Variants in DNAH14 observed in about 807,000 individuals in gnomAD.
DNAH14 encodes axonemal beta dynein heavy chain 14.
Under a neutral mutation model 520.9 loss-of-function variants are expected in DNAH14, and 478 were observed. The observed-to-expected ratio is 0.92, with a 90% CI of 0.85 to 0.99. DNAH14 has a LOEUF of 0.99. Ranked by LOEUF, DNAH14 falls within the 50% of genes least tolerant of loss-of-function variation. The pLI is 0.00. For synonymous variants in DNAH14, 1,581 were observed against 1,757.2 expected (o/e 0.90, Z 2.51); for missense variants, 4,831 against 5,234.5 (o/e 0.92, Z 2.38).
In DNAH14 at chr1:225,119,286, G is replaced by A. The variant is rs764874524; in HGVS notation, c.4158G>A (p.Val1386=). 16 of 1,514,414 alleles carry A rather than the reference G, an allele frequency of 1.1e-5. No individual in the cohort carries two copies. In the African/African-American group the frequency reaches 2.2e-4, roughly 21 times the overall value. 93.8% of individuals were successfully genotyped at this position (1,514,414 alleles called of 1,614,324 possible). A position where few individuals can be genotyped will look rare whatever the true frequency, so the allele number is the denominator to read the frequency against. Residue 1386 remains valine, a synonymous_variant, in exon 26 of 86, where the codon GTG becomes GTA. Transcript: ENST00000682510. Reference sequence around the variant, plus strand: ...ATGTAGAAAAAAGCATGTTCGATGTGCTAAAAAAGTAAGTACAATTTTCAA... The same window carrying A: ...ATGTAGAAAAAAGCATGTTCGATGTACTAAAAAAGTAAGTACAATTTTCAA... ...LVNVEKSMFD[V]LKKFLSQGIE... is the part of the protein sequence containing the mutation.
At chr1:225,228,215 T>C (rs890948037) in intron 41 of DNAH14, among the ~76,000 whole-genome samples, 2 of 152,220 alleles carry the variant, frequency 1.3e-5, no homozygotes, top group Non-Finnish European at 2.9e-5. Context: ...TCAGTACAAA[T>C]AGCTACCTTT....
At chr1:224,980,411 G>A (rs999202172) in intron 8 of DNAH14, among the ~76,000 whole-genome samples, 62 of 152,172 alleles carry the variant, frequency 4.1e-4, no homozygotes, top group African/African-American at 1.4e-3. Context: ...GAGAGAGGAA[G>A]GAAGAATGGG....
intron 8 of DNAH14, among the ~76,000 whole-genome samples, chr1:225,000,910 C>G (rs1370801461): frequency 6.6e-6 from 1 of 152,028 alleles, no homozygotes; most frequent in Admixed American, 6.6e-5. Context: ...TGTCCAAGCT[C>G]CCTACTTCAG....
chr1:225,188,933 A>T (rs1472397994), intron 37 of DNAH14, among the ~76,000 whole-genome samples: 9 of 151,714 alleles, frequency 5.9e-5, no homozygotes, highest in Non-Finnish European at 1.3e-4. Context: ...ATTCTTTGGA[A>T]TCCTTGTCTT....
intron 71 of DNAH14, among the ~76,000 whole-genome samples, chr1:225,349,528 A>T (rs539561923): frequency 2.0e-5 from 3 of 152,300 alleles, no homozygotes; most frequent in African/African-American, 7.2e-5. Context: ...TAATTTAAAA[A>T]ACAGTATCCA....
chr1:225,056,018 C>A (rs970926757), intron 17 of DNAH14, among the ~76,000 whole-genome samples: 1 of 151,822 alleles, frequency 6.6e-6, no homozygotes, highest in Non-Finnish European at 1.5e-5. Flanking sequence ...GTCTTTATAG[C>A]AGCATGATTT....
chr1:225,268,613 A>C (rs2093205158), intron 49 of DNAH14, among the ~76,000 whole-genome samples: 1 of 152,228 alleles, frequency 6.6e-6, no homozygotes, highest in Non-Finnish European at 1.5e-5. Context: ...TTAAGCTGAT[A>C]AGCAACTTCA....
intron 49 of DNAH14, among the ~76,000 whole-genome samples, chr1:225,268,650 G>C (rs1392367346): frequency 6.6e-6 from 1 of 152,146 alleles, no homozygotes; most frequent in Non-Finnish European, 1.5e-5. Context: ...CAAAATCACT[G>C]TGCAAAAATC....
At chr1:225,265,701 A>G (rs1306797067) in intron 48 of DNAH14, among the ~76,000 whole-genome samples, 1 of 152,122 alleles carries the variant, frequency 6.6e-6, no homozygotes, top group Non-Finnish European at 1.5e-5. Flanking sequence ...TTGGGACTCT[A>G]AGAGTTTCAA....
At chr1:225,192,100 T>TC (rs1455460123) in intron 37 of DNAH14, among the ~76,000 whole-genome samples, 1 of 152,000 alleles carries the variant, frequency 6.6e-6, no homozygotes, top group Non-Finnish European at 1.5e-5. Flanking sequence ...CTTTCAGAAT[T>TC]CCCCCATATG....
chr1:225,236,937 T>C (rs890240160), intron 42 of DNAH14, among the ~76,000 whole-genome samples: 2 of 152,192 alleles, frequency 1.3e-5, no homozygotes, highest in African/African-American at 4.8e-5. Context: ...CATAATCATA[T>C]GTAATGCCCT....
At chr1:224,936,542 A>G (rs748236822) in intron 1 of DNAH14, among the ~76,000 whole-genome samples, 9 of 151,998 alleles carry the variant, frequency 5.9e-5, no homozygotes, top group Non-Finnish European at 1.2e-4. Flanking sequence ...ACATCAACGA[A>G]CCAATAGGTA....
At chr1:224,992,507 G>A (rs1435065717) in intron 8 of DNAH14, among the ~76,000 whole-genome samples, 1 of 151,114 alleles carries the variant, frequency 6.6e-6, no homozygotes, top group Non-Finnish European at 1.5e-5. Flanking sequence ...TCCCTTGAGT[G>A]TTTTTAGATG....
chr1:225,203,100 G>A (rs1319937449), intron 38 of DNAH14, among the ~76,000 whole-genome samples: 1 of 152,168 alleles, frequency 6.6e-6, no homozygotes, highest in African/African-American at 2.4e-5. Context: ...TAGAGGGTCT[G>A]TGGGTTCTCT....
chr1:225,192,971 T>C, intron 38 of DNAH14, 60 bp downstream of exon 38: 1 of 1,270,424 alleles, frequency 7.9e-7, no homozygotes. Context: ...TAATTGCTTA[T>C]CCAAAGACTG....
At chr1:225,282,887 A>T (rs1055422251) in intron 54 of DNAH14, among the ~76,000 whole-genome samples, 1 of 152,116 alleles carries the variant, frequency 6.6e-6, no homozygotes. Flanking sequence ...CTATTAGGTT[A>T]TCTTTTTCTT....
intron 27 of DNAH14, among the ~76,000 whole-genome samples, chr1:225,130,472 T>C (rs1320123624): frequency 6.6e-6 from 1 of 151,886 alleles, no homozygotes; most frequent in Non-Finnish European, 1.5e-5. Context: ...ATATACACCA[T>C]GGAATACTAT....
intron 43 of DNAH14, among the ~76,000 whole-genome samples, chr1:225,246,712 T>C (rs2092303577): frequency 6.6e-6 from 1 of 152,108 alleles, no homozygotes; most frequent in African/African-American, 2.4e-5. Context: ...TGGCAATCAT[T>C]AAAAAGTCAG....
chr1:225,206,819 G>C, intron 40 of DNAH14, 149 bp from the exon 41 acceptor site: 1 of 687,518 alleles, frequency 1.5e-6, no homozygotes, highest in South Asian at 2.6e-5. Context: ...AATTCCTTAA[G>C]CTACTTTGAT....
Sources: allele counts gnomAD v4.1 joint callset (sites outside exome capture counted in the v4.1 genomes callset), GRCh38; gene constraint gnomAD v4.1.1; transcripts MANE v1.5; gene names NCBI Gene and HGNC (gene_info 2026-07-23, HGNC 2026-07-21).